RPRD2: variants seen among roughly 807,000 people sequenced by gnomAD.
RPRD2 encodes regulation of nuclear pre-mRNA domain containing 2.
RPRD2 carries 12 observed loss-of-function variants against 104.4 expected under a neutral mutation model. The ratio of observed to expected loss-of-function variants is 0.11; its 90% confidence interval spans 0.07 to 0.19. The LOEUF (loss-of-function observed/expected upper bound fraction) is 0.19. RPRD2 is among the 10% of genes least tolerant of loss of function. The probability of loss-of-function intolerance (pLI) is 1.00; values close to 1 mark genes in which losing one functional copy is unlikely to be tolerated. For missense variants in RPRD2, 1,543 were observed against 1,790.1 expected, an observed-to-expected ratio of 0.86 and a Z score of 2.49; for synonymous variants, 714 against 684.9, an observed-to-expected ratio of 1.04 and a Z score of -0.66.
At chr1:150,422,362 A>AATAATAATAAT (rs1553889819) in intron 2 of RPRD2, among the ~76,000 whole-genome samples, 1 of 98,724 alleles carries the variant, frequency 1.0e-5, no homozygotes, top group African/African-American at 3.8e-5. Context: ...TAATAATAAT[A>AATAATAATAAT]ATAATAAATA....
intron 7 of RPRD2, among the ~76,000 whole-genome samples, chr1:150,451,246 T>C (rs1553896505): frequency 6.6e-6 from 1 of 152,198 alleles, no homozygotes; most frequent in Non-Finnish European, 1.5e-5. Context: ...GTTCTTCATG[T>C]TTCGTCTTGT....
At chr1:150,371,921 T>C (rs2102086232) in intron 1 of RPRD2, among the ~76,000 whole-genome samples, 1 of 152,300 alleles carries the variant, frequency 6.6e-6, no homozygotes, top group South Asian at 2.1e-4. Context: ...TTTGTTTTTT[T>C]CCCCCTCTGT....
At chr1:150,408,598 C>G (rs1663673219) in intron 1 of RPRD2, among the ~76,000 whole-genome samples, 1 of 151,056 alleles carries the variant, frequency 6.6e-6, no homozygotes, top group Non-Finnish European at 1.5e-5. Flanking sequence ...TATGGATGTA[C>G]CTTTACATAT....
In RPRD2 at chr1:150,471,140, G is replaced by T. The variant is rs201968541; in HGVS notation, c.2192G>T (p.Gly731Val). The T allele has an allele frequency of 6.2e-7, 1 of 1,613,814 alleles. No homozygotes were observed. Among genetic ancestry groups the T allele is most frequent in the Non-Finnish European group, 8.5e-7 (1 of 1,179,852 alleles). Residue 731 changes from glycine to valine, a missense_variant, in exon 11 of 11, where the codon GGG becomes GTG. Gly to Val is a moderately radical substitution (Grantham distance 109). Around this residue, in one of 4 missense-constraint regions of RPRD2, gnomAD observed 572 missense variants for 787.3 expected, o/e 0.73. Transcript: ENST00000369068. This position sits in a 1 kb window ranked among gnomAD's most constrained non-coding sequence, Gnocchi z 5.3. ...DGTPVRDERS[G>V]TPTQDEMMDK... is the part of the protein sequence containing the mutation. ...ACCCCTGTACGGGATGAACGGAGTG[G>T]GACACCCACCCAGGATGAGATGATG...
chr1:150,433,842 T>TA (rs1560198877), intron 2 of RPRD2, among the ~76,000 whole-genome samples: 3 of 146,028 alleles, frequency 2.1e-5, no homozygotes, highest in Non-Finnish European at 3.0e-5. Flanking sequence ...ACATAATATG[T>TA]TATATATATG....
chr1:150,390,905 G>C (rs1447948645), intron 1 of RPRD2, among the ~76,000 whole-genome samples: 5 of 152,098 alleles, frequency 3.3e-5, no homozygotes, highest in Non-Finnish European at 5.9e-5. Flanking sequence ...GGGACCATAT[G>C]CATATGAAGG....
At position 150,474,677 on chromosome 1, in the gene RPRD2, A is replaced by G. The variant is rs1209390060; in HGVS notation, c.*1343A>G. On this transcript the variant is annotated 3_prime_UTR_variant, in exon 11 of 11. Coordinates refer to ENST00000369068, the MANE Select transcript of RPRD2 (RefSeq NM_015203.5). ...TTATATCTAGGGACACTGAAAAGTA[A>G]ATGTTGCTTTACTACAATTTTTTTT... The G allele has an allele frequency of 6.6e-6, 1 of 152,176 alleles. No individual in the cohort carries two copies. The highest frequency in any genetic ancestry group is 1.5e-5 in the Non-Finnish European group (1 of 68,026). The allele number at this position is 152,176 out of a possible 1,614,324, so 9.4% of individuals were successfully genotyped here. A position where few individuals can be genotyped will look rare whatever the true frequency, so the allele number is the denominator to read the frequency against.
In RPRD2 at chr1:150,471,903, G is replaced by A. The variant is rs771653767; in HGVS notation, c.2955G>A (p.Thr985=). 6 of 1,613,832 alleles carry A rather than the reference G, an allele frequency of 3.7e-6. No homozygotes were observed. In the East Asian group the frequency reaches 8.9e-5, roughly 24 times the overall value. ...CGCAGAACACCCTTGCCGCTCCCACGGGTCACCCACCCACGTCAGGCGTGG... is the reference window on the plus strand; with the variant it reads ...CGCAGAACACCCTTGCCGCTCCCACAGGTCACCCACCCACGTCAGGCGTGG... ...FSPQNTLAAP[T]GHPPTSGVEK... The change falls in exon 11 of 11, where the codon ACG becomes ACA. Residue 985 remains threonine, a synonymous_variant. Coordinates refer to ENST00000369068, the MANE Select transcript of RPRD2 (RefSeq NM_015203.5). The surrounding 1 kb of genome is among the most constrained non-coding windows in gnomAD (Gnocchi z 5.3).
chr1:150,400,944 A>G (rs1490369647), intron 1 of RPRD2, among the ~76,000 whole-genome samples: 1 of 152,006 alleles, frequency 6.6e-6, no homozygotes, highest in Non-Finnish European at 1.5e-5. Context: ...TGGGAGGCCA[A>G]GGTGGGTGGA....
At chr1:150,467,704 A>T (rs782153207) in intron 10 of RPRD2, among the ~76,000 whole-genome samples, 1 of 152,172 alleles carries the variant, frequency 6.6e-6, no homozygotes, top group Non-Finnish European at 1.5e-5. Flanking sequence ...GCAAAATTTG[A>T]ACAGAACTAG....
At chr1:150,378,756 G>T (rs1380680388) in intron 1 of RPRD2, among the ~76,000 whole-genome samples, 8 of 152,008 alleles carry the variant, frequency 5.3e-5, no homozygotes, top group Admixed American at 5.2e-4. Context: ...GCCAAGGCGG[G>T]TGGATCACAT....
At chr1:150,420,424 A>G (rs1254861698) in intron 2 of RPRD2, among the ~76,000 whole-genome samples, 1 of 152,240 alleles carries the variant, frequency 6.6e-6, no homozygotes, top group Non-Finnish European at 1.5e-5. Flanking sequence ...AGAAACCTGT[A>G]GTAAACATGA....
At position 150,446,252 on chromosome 1, in the gene RPRD2, A is replaced by G; in HGVS notation, c.721A>G (p.Lys241Glu). 1 of 1,593,438 alleles carries G rather than the reference A, an allele frequency of 6.3e-7. No individual in the cohort carries two copies. Among genetic ancestry groups the G allele is most frequent in the Non-Finnish European group, 8.5e-7 (1 of 1,174,158 alleles). ...KDKTGGKKFS[K>E]EFEEASSKLE... ...TAAAACAGGTGGGAAGAAGTTCTCC[A>G]AAGAATTTGAAGAGGCAAGCTCCAA... Residue 241 changes from lysine (K) to glutamate (E), a missense_variant, in exon 7 of 11, where the codon AAA (lysine) becomes GAA (glutamate). Physicochemically the swap from Lys to Glu is moderately conservative, Grantham distance 56. Coordinates refer to ENST00000369068, the MANE Select transcript of RPRD2 (RefSeq NM_015203.5).
chr1:150,452,840 T>G (rs1667287210), intron 7 of RPRD2, among the ~76,000 whole-genome samples: 1 of 151,816 alleles, frequency 6.6e-6, no homozygotes, highest in Non-Finnish European at 1.5e-5. Context: ...CTGCCTAATT[T>G]TATATTTTTA....
chr1:150,412,996 TAAAAA>T (rs375937550), intron 1 of RPRD2, among the ~76,000 whole-genome samples: 2 of 141,854 alleles, frequency 1.4e-5, no homozygotes, highest in African/African-American at 5.5e-5. Context: ...GGAAGGAAGA[TAAAAA>T]AAAGAAAAGA....
intron 1 of RPRD2, among the ~76,000 whole-genome samples, chr1:150,414,698 A>AT (rs1159933458): frequency 4.4e-4 from 67 of 152,344 alleles, no homozygotes; most frequent in Non-Finnish European, 2.1e-4. Context: ...GTAAATTGGA[A>AT]TTTGTTAGTA....
At position 150,475,609 on chromosome 1, in the gene RPRD2, T is replaced by G. The variant is rs183969184; in HGVS notation, c.*2275T>G. 5.2e-5 allele frequency: 8 copies of G among 152,704 alleles called. No individual in the cohort carries two copies. Among genetic ancestry groups the G allele is most frequent in the Admixed American group, 3.9e-4 (6 of 15,288 alleles). 9.5% of individuals were successfully genotyped at this position (152,704 alleles called of 1,614,324 possible). On this transcript the variant is annotated 3_prime_UTR_variant, in exon 11 of 11. Coordinates refer to ENST00000369068, the MANE Select transcript of RPRD2 (RefSeq NM_015203.5). ...GTTTTTTAAGCCACAAAATCCTCAA[T>G]ATGTTTGTTTTAGGATGGAAGTGAG...
intron 1 of RPRD2, among the ~76,000 whole-genome samples, chr1:150,393,610 A>C (rs1662266929): frequency 6.6e-6 from 1 of 152,174 alleles, no homozygotes; most frequent in African/African-American, 2.4e-5. Context: ...GTAGAGGGAA[A>C]AACATGCATT....
chr1:150,458,235 G>A (rs1667677572), intron 8 of RPRD2, among the ~76,000 whole-genome samples: 1 of 152,060 alleles, frequency 6.6e-6, no homozygotes, highest in Non-Finnish European at 1.5e-5. Context: ...CGGGCAGATT[G>A]CTTGAGCCCA....
Sources: allele counts gnomAD v4.1 joint callset (sites outside exome capture counted in the v4.1 genomes callset), GRCh38; gene constraint gnomAD v4.1.1; regional missense constraint gnomAD v4.1.1; non-coding constraint Gnocchi (gnomAD v3.1); transcripts MANE v1.5; gene names NCBI Gene and HGNC (gene_info 2026-07-23, HGNC 2026-07-21).